PTPRG: variants seen among roughly 807,000 people sequenced by gnomAD.
PTPRG encodes protein tyrosine phosphatase receptor type G.
Under a neutral mutation model 165.3 loss-of-function variants are expected in PTPRG, and 102 were observed. The ratio of observed to expected loss-of-function variants is 0.62; its 90% CI spans 0.53 to 0.73. The LOEUF is 0.73. Among genes scored for constraint, PTPRG ranks in the 30% least tolerant of loss-of-function variants. The pLI is 0.00. For missense variants in PTPRG, 1,866 were observed against 1,861.4 expected (o/e 1.00, Z -0.05); for synonymous variants, 675 against 669.5 (o/e 1.01, Z -0.13).
intron 18 of PTPRG, 63 bp downstream of exon 18, chr3:62,267,555 T>A: frequency 6.5e-7 from 1 of 1,527,046 alleles, no homozygotes; most frequent in Non-Finnish European, 9.0e-7. Context: ...AGAAACTGTT[T>A]AATATATTTT....
At chr3:62,059,836 TC>T (rs1700749029) in intron 4 of PTPRG, among the ~76,000 whole-genome samples, 1 of 152,154 alleles carries the variant, frequency 6.6e-6, no homozygotes, top group Non-Finnish European at 1.5e-5. Flanking sequence ...TCTGATGGTT[TC>T]ATAAGGGGCT....
rs898716841 is a variant in PTPRG at position 62,273,305 on chromosome 3, G to A, written c.3318+224G>A. On this transcript the variant is annotated intron_variant, in intron 22 of 29. Coordinates refer to ENST00000474889, the MANE Select transcript of PTPRG (RefSeq NM_002841.4). The surrounding 1 kb of genome is among the most constrained non-coding windows in gnomAD (Gnocchi z 4.1). The stretch of plus-strand genomic sequence containing the variant: ...CCTAAATAACTACACAAGTACTTAC[G>A]AAAGAGATACAGTTGTTTCAAGAGC... 6.6e-6 allele frequency among the ~76,000 whole-genome samples: 1 copy of A among 152,144 alleles called. No individual in the cohort carries two copies. The highest frequency in any genetic ancestry group is 6.6e-5 in the Admixed American group (1 of 15,266).
chr3:61,749,088 C>A, intron 2 of PTPRG, 106 bp downstream of exon 2: 3 of 935,246 alleles, frequency 3.2e-6, no homozygotes, highest in South Asian at 2.8e-5. Flanking sequence ...TCTGTTTGCT[C>A]AAATCTTTCG....
intron 1 of PTPRG, among the ~76,000 whole-genome samples, chr3:61,562,708 C>G (rs990458605): frequency 2.0e-5 from 3 of 151,342 alleles, no homozygotes. Flanking sequence ...CGGGAGAACT[C>G]GAGTTGTGGG....
At chr3:61,932,818 A>G (rs898152607) in intron 2 of PTPRG, among the ~76,000 whole-genome samples, 2 of 152,128 alleles carry the variant, frequency 1.3e-5, no homozygotes, top group East Asian at 3.9e-4. Context: ...GCTTTCCCTT[A>G]TGGGTTTTTC....
At chr3:61,632,193 A>T (rs1164963901) in intron 1 of PTPRG, among the ~76,000 whole-genome samples, 1 of 151,912 alleles carries the variant, frequency 6.6e-6, no homozygotes, top group African/African-American at 2.4e-5. Context: ...CTGTAGTCCT[A>T]GCTACTTTGC....
At chr3:61,886,628 A>C (rs553572075) in intron 2 of PTPRG, among the ~76,000 whole-genome samples, 1 of 152,150 alleles carries the variant, frequency 6.6e-6, no homozygotes, top group African/African-American at 2.4e-5. Flanking sequence ...AGCTTCAATC[A>C]GGAAGATGGG....
At chr3:61,925,950 C>T (rs758732976) in intron 2 of PTPRG, 1 of 478,814 alleles carries the variant, frequency 2.1e-6, no homozygotes, top group South Asian at 1.5e-5. Context: ...CTGGCTATTC[C>T]TAGCCTGGTT....
At chr3:61,913,258 C>T (rs1212534952) in intron 2 of PTPRG, among the ~76,000 whole-genome samples, 5 of 152,134 alleles carry the variant, frequency 3.3e-5, no homozygotes, top group Non-Finnish European at 7.3e-5. Context: ...CTCGCTCTAT[C>T]ACCCAGGCTG....
At chr3:61,606,397 C>CT (rs1701008923) in intron 1 of PTPRG, among the ~76,000 whole-genome samples, 1 of 152,164 alleles carries the variant, frequency 6.6e-6, no homozygotes. Flanking sequence ...AAAGACTCAC[C>CT]TGATTAGGTC....
chr3:61,841,671 C>G (rs993526542), intron 2 of PTPRG, among the ~76,000 whole-genome samples: 2 of 151,926 alleles, frequency 1.3e-5, no homozygotes, highest in African/African-American at 4.8e-5. Context: ...CTTCTGTCCA[C>G]TGGCAATTTA....
chr3:62,027,884 T>A (rs1699622214), intron 4 of PTPRG, among the ~76,000 whole-genome samples: 1 of 152,206 alleles, frequency 6.6e-6, no homozygotes, highest in African/African-American at 2.4e-5. Context: ...GTAAGTAATT[T>A]TCCTTGTTAT....
chr3:61,831,715 G>A (rs2036300525), intron 2 of PTPRG, among the ~76,000 whole-genome samples: 1 of 152,182 alleles, frequency 6.6e-6, no homozygotes, highest in African/African-American at 2.4e-5. Flanking sequence ...AGAGAAAAAG[G>A]TATACCAAAT....
intron 1 of PTPRG, among the ~76,000 whole-genome samples, chr3:61,740,769 T>A (rs1320076673): frequency 6.6e-6 from 1 of 152,218 alleles, no homozygotes; most frequent in Non-Finnish European, 1.5e-5. Context: ...TGGCTCTATA[T>A]TAGGTCTCTT....
intron 4 of PTPRG, among the ~76,000 whole-genome samples, chr3:62,025,502 A>T (rs9822712): frequency 1.3e-5 from 2 of 151,876 alleles, no homozygotes; most frequent in African/African-American, 2.4e-5. Flanking sequence ...ATTTTCATCT[A>T]TTTTTTTAAA....
At chr3:61,834,824 C>T (rs2036413752) in intron 2 of PTPRG, among the ~76,000 whole-genome samples, 1 of 134,256 alleles carries the variant, frequency 7.4e-6, no homozygotes, top group Non-Finnish European at 1.6e-5. Context: ...AAGAAAAAAA[C>T]ATGAACATTT....
chr3:61,848,208 G>A (rs936806354), intron 2 of PTPRG, among the ~76,000 whole-genome samples: 1 of 152,182 alleles, frequency 6.6e-6, no homozygotes, highest in African/African-American at 2.4e-5. Context: ...CTTAGGCTTG[G>A]GGTAGAGGTG....
intron 7 of PTPRG, among the ~76,000 whole-genome samples, chr3:62,160,346 C>T (rs529281600): frequency 1.6e-4 from 24 of 152,202 alleles, no homozygotes; most frequent in Non-Finnish European, 3.1e-4. Context: ...TGCACTTGTA[C>T]CTCTGGCTTG....
At position 61,917,743 on chromosome 3, in the gene PTPRG, G is replaced by A. The variant is rs1486951530; in HGVS notation, c.191-71882G>A. Among the ~76,000 whole-genome samples, 8 of 152,208 alleles carry A rather than the reference G, an allele frequency of 5.3e-5. No homozygotes were observed. The South Asian group carries it at 1.2e-3, about 24-fold the overall frequency. ...TCAGGAGTTTGAGACCAGCCTGGCC[G>A]ACATGGTGAAACCCCGTGTCTTTAC... On this transcript the variant is annotated intron_variant, in intron 2 of 29. Transcript: ENST00000474889.
Sources: allele counts gnomAD v4.1 joint callset (sites outside exome capture counted in the v4.1 genomes callset), GRCh38; gene constraint gnomAD v4.1.1; non-coding constraint Gnocchi (gnomAD v3.1); transcripts MANE v1.5; gene names NCBI Gene and HGNC (gene_info 2026-07-23, HGNC 2026-07-21).